The following SEC16B variants were observed in gnomAD, a reference collection of about 807,000 sequenced individuals.
SEC16B encodes protein transport protein Sec16B.
Under a neutral mutation model 141.8 loss-of-function variants are expected in SEC16B, and 115 were observed. The observed-to-expected ratio is 0.81, with a 90% confidence interval of 0.70 to 0.95. The LOEUF (loss-of-function observed/expected upper bound fraction) is 0.95. Among genes scored for constraint, SEC16B ranks in the 40% least tolerant of loss-of-function variants. SEC16B has a pLI of 0.00. For missense variants in SEC16B, 1,291 were observed against 1,312.3 expected, an observed-to-expected ratio of 0.98 and a Z score of 0.25; for synonymous variants, 493 against 492.5, an observed-to-expected ratio of 1.00 and a Z score of -0.01.
intron 12 of SEC16B, among the ~76,000 whole-genome samples, chr1:177,948,192 T>C (rs1192751039): frequency 6.6e-6 from 1 of 152,184 alleles, no homozygotes; most frequent in African/African-American, 2.4e-5. Context: ...GGAAAATGGA[T>C]AAATAAAATG....
chr1:177,937,640 G>A (rs770102775), intron 18 of SEC16B, 127 bp from the exon 19 acceptor site: 71 of 709,448 alleles, frequency 1.0e-4, no homozygotes, highest in Non-Finnish European at 7.9e-5. Flanking sequence ...TGTCTAATGC[G>A]GCTTCCAGTA....
intron 1 of SEC16B, among the ~76,000 whole-genome samples, chr1:177,975,454 T>A (rs761113678): frequency 1.3e-4 from 20 of 152,174 alleles, no homozygotes; most frequent in Admixed American, 4.6e-4. Flanking sequence ...GCTGAGGCAG[T>A]GAGTTTAGGG....
rs80179182 is a variant in SEC16B at position 177,976,008 on chromosome 1, C to T, written c.-58-7969G>A. Among the ~76,000 whole-genome samples the T allele has an allele frequency of 4.5e-3, 681 of 152,302 alleles. 5 individuals are homozygous for T. The highest frequency in any genetic ancestry group is 0.016 in the African/African-American group (648 of 41,572). ...GAGACAATTAGCCTGGCACAGGTGC[C>T]ATAAGCTACCAGTGCCAGTCCTGGG... On this transcript the variant is annotated intron_variant and NMD_transcript_variant, in intron 1 of 24. Transcript: ENST00000528461.
intron 2 of SEC16B, 86 bp from the exon 3 acceptor site, chr1:177,966,091 T>G: frequency 1.3e-6 from 1 of 775,308 alleles, no homozygotes; most frequent in Admixed American, 2.4e-5. Flanking sequence ...ACTAAACAGG[T>G]TCAGAGGACA....
intron 6 of SEC16B, 59 bp from the exon 7 acceptor site, chr1:177,960,998 G>T: frequency 6.4e-7 from 1 of 1,574,454 alleles, no homozygotes. Flanking sequence ...CTTTTCTTTA[G>T]TTTAGGAATA....
At chr1:177,932,195 T>C (rs1488716413) in intron 24 of SEC16B, among the ~76,000 whole-genome samples, 2 of 152,164 alleles carry the variant, frequency 1.3e-5, no homozygotes, top group Non-Finnish European at 2.9e-5. Flanking sequence ...GGAAAGGCCA[T>C]GTGAAGACGT....
chr1:177,977,248 C>T (rs1654203701), intron 1 of SEC16B, among the ~76,000 whole-genome samples: 1 of 152,116 alleles, frequency 6.6e-6, no homozygotes, highest in Non-Finnish European at 1.5e-5. Flanking sequence ...GAGAGATGCA[C>T]TCTAAACAGA....
At chr1:177,960,244 C>T (rs16828594) in intron 8 of SEC16B, 98 bp downstream of exon 8, 132,119 of 807,040 alleles carry the variant, frequency 0.16, 13,372 homozygotes, top group African/African-American at 0.41. Flanking sequence ...ATATTTTTTT[C>T]CAAGGAAACC....
At chr1:177,933,670 C>A in intron 20 of SEC16B, 34 bp from the exon 21 acceptor site, 2 of 1,610,568 alleles carry the variant, frequency 1.2e-6, no homozygotes, top group South Asian at 1.1e-5. Flanking sequence ...ATTTGCATGG[C>A]ACTTGACAGG....
intron 1 of SEC16B, among the ~76,000 whole-genome samples, chr1:177,975,761 G>A (rs895544337): frequency 4.6e-5 from 7 of 152,188 alleles, no homozygotes; most frequent in African/African-American, 1.7e-4. Flanking sequence ...ATCAGGGAGT[G>A]ACGGTTTAGT....
chr1:177,958,795 T>G, intron 9 of SEC16B, 45 bp downstream of exon 9: 1 of 1,581,142 alleles, frequency 6.3e-7, no homozygotes, highest in South Asian at 1.2e-5. Flanking sequence ...CCATGAAGAC[T>G]TAAATTTCAG....
Position 177,932,739 on chromosome 1 carries a change from G to C in SEC16B, c.2891C>G (p.Ser964Cys). The C allele has an allele frequency of 1.2e-6, 2 of 1,609,916 alleles. No individual in the cohort carries two copies. The highest frequency in any genetic ancestry group is 8.5e-7 in the Non-Finnish European group (1 of 1,178,282). The change falls in exon 23 of 26, where the codon TCC (serine) becomes TGC (cysteine). Residue 964 changes from serine to cysteine, a missense_variant. Transcript: ENST00000308284. ...GGCACTAACATCCGGCAGAGGTGGG[G>C]ACTCAGGGGAAGGTGTCAGTGAGAG... is the stretch of plus-strand genomic sequence containing the variant. ...LGLSLTPSPESPPLPDVSAFS... is the reference protein window; with the variant it reads ...LGLSLTPSPECPPLPDVSAFS...
At position 177,930,749 on chromosome 1, in the gene SEC16B, ATTTC is replaced by A; in HGVS notation, c.3013-110_3013-107del. The A allele has an allele frequency of 9.3e-6, 7 of 756,446 alleles. No homozygotes were observed. In the Admixed American group the frequency reaches 1.2e-4, roughly 13 times the overall value. 46.9% of individuals were successfully genotyped at this position (756,446 alleles called of 1,614,324 possible). On this transcript the variant is annotated intron_variant, in intron 24 of 25. Transcript: ENST00000308284. ...AGGATTATTTGTTTTTTTCTCAGTGATTTCTTTAAGTTCCTTATCGACTCTCCAA... is the reference window on the plus strand; with the variant it reads ...AGGATTATTTGTTTTTTTCTCAGTGATTTAAGTTCCTTATCGACTCTCCAA...
intron 9 of SEC16B, 195 bp from the exon 10 acceptor site, chr1:177,958,557 G>A (rs971312457): frequency 3.3e-6 from 2 of 601,326 alleles, no homozygotes; most frequent in South Asian, 2.4e-5. Context: ...TGCCTGTCAG[G>A]AGCCATAAAG....
Position 177,961,650 on chromosome 1 carries a change from T to G in SEC16B, c.727A>C (p.Arg243=). 1 of 1,614,004 alleles carries G rather than the reference T, an allele frequency of 6.2e-7. No individual in the cohort carries two copies. The highest frequency in any genetic ancestry group is 8.5e-7 in the Non-Finnish European group (1 of 1,179,876). The change falls in exon 6 of 26, where the codon AGA becomes CGA. Residue 243 remains arginine (R), a synonymous_variant. Coordinates refer to ENST00000308284, the MANE Select transcript of SEC16B (RefSeq NM_033127.4). ...SSSYELSQYI[R]DAPERDDPPA... ...GGATCATCCCGCTCCGGGGCATCTC[T>G]GATGTACTGACTGAGCTCATAGCTG... is the stretch of plus-strand genomic sequence containing the variant.
intron 10 of SEC16B, among the ~76,000 whole-genome samples, chr1:177,957,158 T>A (rs1652675659): frequency 1.3e-5 from 2 of 152,164 alleles, no homozygotes; most frequent in Non-Finnish European, 2.9e-5. Context: ...ATAATTCCAC[T>A]TCTAGGAATC....
At chr1:177,947,778 G>GGACAGGGAGGGGAGGGGAGA (rs1377000328) in intron 13 of SEC16B, 47 bp downstream of exon 13, 3 of 1,196,084 alleles carry the variant, frequency 2.5e-6, no homozygotes, top group Non-Finnish European at 3.6e-6. Flanking sequence ...GGGAGGGGAG[G>GGACAGGGAGGGGAGGGGAGA]GAAGGGACAG....
chr1:177,944,264 G>A (rs1329407324), intron 15 of SEC16B, among the ~76,000 whole-genome samples: 1 of 152,198 alleles, frequency 6.6e-6, no homozygotes, highest in African/African-American at 2.4e-5. Flanking sequence ...TGGGGAGAAG[G>A]AGCTGACAGC....
intron 14 of SEC16B, 46 bp from the exon 15 acceptor site, chr1:177,944,712 G>T: frequency 2.0e-6 from 3 of 1,506,482 alleles, no homozygotes; most frequent in East Asian, 2.3e-5. Context: ...TGTGGGGGAC[G>T]CAGGAGTTAA....
Sources: gnomAD v4.1 joint callset for allele counts (sites outside exome capture counted in the v4.1 genomes callset) on GRCh38, gnomAD v4.1.1 for gene constraint, MANE v1.5 for transcripts, NCBI Gene and HGNC (gene_info 2026-07-23, HGNC 2026-07-21) for gene names.